The following POLQ variants were observed in gnomAD, a reference collection of about 807,000 sequenced individuals.
The protein encoded by POLQ is epididymis secretory sperm binding protein.
In POLQ, 233 loss-of-function variants were observed where a neutral mutation model predicts 259.2. The observed-to-expected ratio is 0.90, with a 90% CI of 0.81 to 1.00. The LOEUF (loss-of-function observed/expected upper bound fraction) is 1.00. POLQ is among the 50% of genes least tolerant of loss of function. POLQ has a pLI of 0.00. For missense variants in POLQ, 2,871 were observed against 3,051.6 expected (o/e 0.94, Z 1.39); for synonymous variants, 1,025 against 1,048.8 (o/e 0.98, Z 0.44).
chr3:121,476,080 A>G (rs967359345), intron 20 of POLQ, among the ~76,000 whole-genome samples: 2 of 152,188 alleles, frequency 1.3e-5, no homozygotes, highest in African/African-American at 4.8e-5. Flanking sequence ...AAGCTAAATG[A>G]TGAGAATTCA....
chr3:121,489,549 G>A lies in POLQ; in HGVS notation c.3382C>T (p.Leu1128=). 6.2e-7 allele frequency: 1 copy of A among 1,613,110 alleles called. No homozygotes were observed. The highest frequency in any genetic ancestry group is 1.7e-5 in the Admixed American group (1 of 59,868). The change falls in exon 16 of 30, where the codon CTA becomes TTA. Residue 1128 remains leucine, a synonymous_variant. Coordinates refer to ENST00000264233, the MANE Select transcript of POLQ (RefSeq NM_199420.4). ...TGCTCCACAAAATTATCATTAGTTA[G>A]TGTTATGTTCCATGAACAATTTTGC... ...IKQNCSWNIT[L]TNDNFVEHIV... is the part of the protein sequence containing the mutation.
chr3:121,533,458 C>G (rs2048426482), intron 5 of POLQ, among the ~76,000 whole-genome samples: 3 of 152,178 alleles, frequency 2.0e-5, no homozygotes, highest in Non-Finnish European at 4.4e-5. Flanking sequence ...GTTCCATAAT[C>G]TTGTCACCAC....
chr3:121,498,560 T>C lies in POLQ; in HGVS notation c.2070A>G (p.Glu690=). Residue 690 remains glutamate, a synonymous_variant, in exon 13 of 30, where the codon GAA becomes GAG. Coordinates refer to ENST00000264233, the MANE Select transcript of POLQ (RefSeq NM_199420.4). The part of the protein sequence containing the change: ...MKRVAELVGV[E]EGFLARCVKG... ...TCACACAACGGGCCAAGAACCCCTC[T>C]TCAACTCCCACTAGCTCTGCCACCC... The C allele has an allele frequency of 6.2e-7, 1 of 1,614,130 alleles. No homozygotes were observed. Among genetic ancestry groups the C allele is most frequent in the Non-Finnish European group, 8.5e-7 (1 of 1,179,980 alleles).
intron 20 of POLQ, among the ~76,000 whole-genome samples, chr3:121,475,697 C>T (rs2047919723): frequency 6.6e-6 from 1 of 152,108 alleles, no homozygotes; most frequent in South Asian, 2.1e-4. Flanking sequence ...CAGGTAACTG[C>T]CATTTTGACA....
intron 2 of POLQ, among the ~76,000 whole-genome samples, 168 bp downstream of exon 2, chr3:121,544,559 T>A (rs191640437): frequency 1.3e-5 from 2 of 151,762 alleles, no homozygotes; most frequent in African/African-American, 4.8e-5. Context: ...ATAAAACTTT[T>A]GTAATTTAAA....
chr3:121,442,489 G>A (rs934289745), intron 26 of POLQ, among the ~76,000 whole-genome samples: 4 of 152,020 alleles, frequency 2.6e-5, no homozygotes, highest in Admixed American at 2.0e-4. Flanking sequence ...CTATCTCCAC[G>A]AGTTCAATTG....
chr3:121,501,040 T>C (rs1311791071), intron 12 of POLQ, among the ~76,000 whole-genome samples: 1 of 152,202 alleles, frequency 6.6e-6, no homozygotes, highest in East Asian at 1.9e-4. Flanking sequence ...CTCAGCTCAC[T>C]GCAACCTCCA....
Position 121,468,390 on chromosome 3 carries a change from T to C in POLQ, c.6760A>G (p.Arg2254Gly). 1 of 1,611,310 alleles carries C rather than the reference T, an allele frequency of 6.2e-7. No homozygotes were observed. ...FTEPNIQNVPRDFEIKMPTLV... is the reference protein window; with the variant it reads ...FTEPNIQNVPGDFEIKMPTLV... Reference sequence around the variant, plus strand: ...GTTGGCATTTTGATTTCAAAATCTCTTGGCACATTCTGAATATTTGGTTCT... The same window carrying C: ...GTTGGCATTTTGATTTCAAAATCTCCTGGCACATTCTGAATATTTGGTTCT... Residue 2254 changes from arginine (R) to glycine (G), a missense_variant, in exon 23 of 30, where the codon AGA becomes GGA. Around this residue, in one of 3 missense-constraint regions of POLQ, gnomAD observed 2,080 missense variants for 2,126.0 expected, o/e 0.98. Coordinates refer to ENST00000264233, the MANE Select transcript of POLQ (RefSeq NM_199420.4).
intron 24 of POLQ, among the ~76,000 whole-genome samples, chr3:121,463,105 G>C (rs2047806153): frequency 6.6e-6 from 1 of 152,154 alleles, no homozygotes; most frequent in Non-Finnish European, 1.5e-5. Flanking sequence ...GATAAGGTTT[G>C]GCTATGTCTC....
chr3:121,442,414 A>G (rs1429051878), intron 26 of POLQ, among the ~76,000 whole-genome samples: 2 of 152,178 alleles, frequency 1.3e-5, no homozygotes, highest in Non-Finnish European at 2.9e-5. Context: ...ATTTCTTTGT[A>G]CCTATTAACA....
rs1185286223 is a variant in POLQ at position 121,509,593 on chromosome 3, C to T, written c.1927G>A (p.Val643Ile). The change falls in exon 12 of 30, where the codon GTT becomes ATT. Residue 643 changes from valine to isoleucine, a missense_variant. By Grantham distance (29) the Val-to-Ile change is conservative. This residue lies in a region of POLQ where 783 missense variants were observed against 906.2 expected (regional missense o/e 0.86). Transcript: ENST00000264233. ...AGAATATGAAGATCATTCTCTAAAA[C>T]AAAGCCCTTCATTGCTCTTTGCAGG... ...ADLQRAMKGF[V>I]LENDLHILYL... 1 of 1,613,324 alleles carries T rather than the reference C, an allele frequency of 6.2e-7. No homozygotes were observed. Among genetic ancestry groups the T allele is most frequent in the East Asian group, 2.2e-5 (1 of 44,846 alleles).
At position 121,510,184 on chromosome 3, in the gene POLQ, T is replaced by C; in HGVS notation, c.1671A>G (p.Thr557=). ...CTTCTTTCATACTTGCAGCCAAAAATGTGCAGGCAGCATAAGTATGCATAT... is the reference window on the plus strand; with the variant it reads ...CTTCTTTCATACTTGCAGCCAAAAACGTGCAGGCAGCATAAGTATGCATAT... ...SQDMHTYAAC[T]FLAASMKEGK... The change falls in exon 11 of 30, where the codon ACA becomes ACG. Residue 557 remains threonine (T), a synonymous_variant. Coordinates refer to ENST00000264233, the MANE Select transcript of POLQ (RefSeq NM_199420.4). The C allele has an allele frequency of 6.2e-7, 1 of 1,613,870 alleles. No individual in the cohort carries two copies. The highest frequency in any genetic ancestry group is 1.3e-5 in the African/African-American group (1 of 75,042).
In POLQ at chr3:121,458,129, G is replaced by A. The variant is rs887039653; in HGVS notation, c.7152+1921C>T. Among the ~76,000 whole-genome samples the A allele has an allele frequency of 1.5e-3, 228 of 152,012 alleles. 1 individual carries two copies. Among genetic ancestry groups the A allele is most frequent in the African/African-American group, 5.2e-3 (215 of 41,472 alleles). On this transcript the variant is annotated intron_variant, in intron 25 of 29. Coordinates refer to ENST00000264233, the MANE Select transcript of POLQ (RefSeq NM_199420.4). ...AAATCATCATTCTCAGTAAACTATC[G>A]CAAGAACAAAAAACCAAACACCGCA...
At chr3:121,543,616 T>G (rs1397211807) in intron 2 of POLQ, among the ~76,000 whole-genome samples, 1 of 152,218 alleles carries the variant, frequency 6.6e-6, no homozygotes, top group Non-Finnish European at 1.5e-5. Flanking sequence ...GAATTGCATC[T>G]TACCAAATGA....
At chr3:121,455,764 T>C (rs897527140) in intron 25 of POLQ, among the ~76,000 whole-genome samples, 3 of 151,572 alleles carry the variant, frequency 2.0e-5, no homozygotes, top group South Asian at 2.1e-4. Context: ...CCAAAAAGAG[T>C]CCAGGACCAG....
intron 10 of POLQ, among the ~76,000 whole-genome samples, chr3:121,510,721 T>C (rs368662382): frequency 2.6e-5 from 4 of 152,234 alleles, no homozygotes; most frequent in African/African-American, 7.2e-5. Context: ...CACCACTCAC[T>C]GTAACTGTTG....
In POLQ at chr3:121,436,381, G is replaced by C. The variant is rs916418616; in HGVS notation, c.7390-106C>G. ...CTCACATTTGCAGCCAGACTGGAAAGCTGGACTGAGATGCAACCCAGAACA... is the reference window on the plus strand; with the variant it reads ...CTCACATTTGCAGCCAGACTGGAAACCTGGACTGAGATGCAACCCAGAACA... On this transcript the variant is annotated intron_variant, in intron 27 of 29. Coordinates refer to ENST00000264233, the MANE Select transcript of POLQ (RefSeq NM_199420.4). 1.7e-5 allele frequency: 18 copies of C among 1,074,988 alleles called. No individual in the cohort carries two copies. In the East Asian group the frequency reaches 4.1e-4, roughly 25 times the overall value. The allele number at this position is 1,074,988 out of a possible 1,614,324, so 66.6% of individuals were successfully genotyped here.
At chr3:121,463,233 C>T (rs1000479217) in intron 24 of POLQ, among the ~76,000 whole-genome samples, 29 of 152,146 alleles carry the variant, frequency 1.9e-4, no homozygotes, top group Non-Finnish European at 3.5e-4. Context: ...GTCCGTCTCA[C>T]GAGATCTGAT....
chr3:121,477,918 C>T (rs923672669), intron 19 of POLQ, among the ~76,000 whole-genome samples: 2 of 152,024 alleles, frequency 1.3e-5, no homozygotes, highest in African/African-American at 2.4e-5. Flanking sequence ...GGTACGAGAC[C>T]GTCAGAGCCT....
Sources: gnomAD v4.1 joint callset for allele counts (sites outside exome capture counted in the v4.1 genomes callset) on GRCh38, gnomAD v4.1.1 for gene constraint, gnomAD v4.1.1 regional missense constraint, MANE v1.5 for transcripts, NCBI Gene and HGNC (gene_info 2026-07-23, HGNC 2026-07-21) for gene names.